MELK: variants seen among roughly 807,000 people sequenced by gnomAD.
MELK encodes the protein maternal embryonic leucine zipper kinase.
MELK carries 81 observed loss-of-function variants against 85.0 expected under a neutral mutation model. The observed-to-expected ratio is 0.95, with a 90% CI of 0.80 to 1.15. The LOEUF is 1.15. MELK is among the 50% of genes most tolerant of loss of function. The pLI is 0.00. For synonymous variants in MELK, 252 were observed against 265.0 expected, an observed-to-expected ratio of 0.95 and a Z score of 0.48; for missense variants, 754 against 777.5, an observed-to-expected ratio of 0.97 and a Z score of 0.36.
At chr9:36,585,521 G>C (rs572249170) in intron 3 of MELK, among the ~76,000 whole-genome samples, 3 of 151,996 alleles carry the variant, frequency 2.0e-5, no homozygotes, top group East Asian at 3.9e-4. Flanking sequence ...TGGTCAGGCT[G>C]GTCTCGAACT....
At chr9:36,581,377 C>T (rs142493594) in intron 1 of MELK, among the ~76,000 whole-genome samples, 73 of 151,740 alleles carry the variant, frequency 4.8e-4, no homozygotes, top group Middle Eastern at 6.8e-3. Context: ...ATTATTAGTA[C>T]TTTATTTAAG....
At chr9:36,659,735 T>G (rs1831605996) in intron 13 of MELK, among the ~76,000 whole-genome samples, 1 of 152,206 alleles carries the variant, frequency 6.6e-6, no homozygotes, top group South Asian at 2.1e-4. Context: ...TCATTTCCTA[T>G]TTGTATAAAA....
At chr9:36,590,395 T>C (rs1363967246) in intron 4 of MELK, among the ~76,000 whole-genome samples, 1 of 152,204 alleles carries the variant, frequency 6.6e-6, no homozygotes, top group Non-Finnish European at 1.5e-5. Context: ...GGAATCTGTT[T>C]CCTGCCTCTT....
intron 13 of MELK, among the ~76,000 whole-genome samples, chr9:36,664,102 T>C (rs1587612917): frequency 6.6e-6 from 1 of 152,326 alleles, no homozygotes; most frequent in East Asian, 1.9e-4. Flanking sequence ...TCTTTTATTC[T>C]GTTATTTGAC....
intron 10 of MELK, among the ~76,000 whole-genome samples, chr9:36,639,838 G>T (rs1290429974): frequency 6.6e-6 from 1 of 152,180 alleles, no homozygotes; most frequent in African/African-American, 2.4e-5. Flanking sequence ...GGAGAGAGGG[G>T]TTCTTTTACA....
At chr9:36,652,970 T>C (rs1340765995) in intron 12 of MELK, among the ~76,000 whole-genome samples, 1 of 152,142 alleles carries the variant, frequency 6.6e-6, no homozygotes, top group Non-Finnish European at 1.5e-5. Flanking sequence ...TATAATACTT[T>C]ATATGACATG....
intron 8 of MELK, among the ~76,000 whole-genome samples, chr9:36,615,172 G>A (rs1464307084): frequency 7.0e-6 from 1 of 143,414 alleles, no homozygotes; most frequent in South Asian, 2.3e-4. Flanking sequence ...TCACCTCCCG[G>A]ACGGGGCGGC....
Position 36,635,303 on chromosome 9 carries a change from G to A in MELK, c.834+2103G>A, listed in dbSNP as rs1008693856. 4.7e-5 allele frequency among the ~76,000 whole-genome samples: 7 copies of A among 149,944 alleles called. No homozygotes were observed. The East Asian group carries it at 1.4e-3, about 29-fold the overall frequency. ...TTTGAGTGGGAATCTCGCTATTATC[G>A]CCCAGACGGGAGTGCAATGGCACGA... On this transcript the variant is annotated intron_variant, in intron 10 of 17. Coordinates refer to ENST00000298048, the MANE Select transcript of MELK (RefSeq NM_014791.4).
intron 14 of MELK, among the ~76,000 whole-genome samples, chr9:36,668,941 A>T (rs930304588): frequency 6.6e-6 from 1 of 152,176 alleles, no homozygotes; most frequent in Non-Finnish European, 1.5e-5. Flanking sequence ...AAAAGCATAA[A>T]TTGGGCCCTT....
At chr9:36,603,024 G>A (rs773347673) in intron 7 of MELK, among the ~76,000 whole-genome samples, 1 of 152,188 alleles carries the variant, frequency 6.6e-6, no homozygotes, top group Non-Finnish European at 1.5e-5. Context: ...TAGTTTCCCA[G>A]AAGGAGTGAT....
intron 11 of MELK, 68 bp from the exon 12 acceptor site, chr9:36,651,678 A>G: frequency 6.5e-7 from 1 of 1,548,156 alleles, no homozygotes; most frequent in Non-Finnish European, 8.8e-7. Flanking sequence ...AAAAAAATTA[A>G]TTAAAGATAG....
intron 7 of MELK, among the ~76,000 whole-genome samples, chr9:36,601,481 CT>C (rs1157006313): frequency 6.6e-6 from 1 of 152,086 alleles, no homozygotes; most frequent in Non-Finnish European, 1.5e-5. Flanking sequence ...TTGTAGCCTT[CT>C]TAGTGCATTA....
At chr9:36,616,829 T>G (rs904008145) in intron 8 of MELK, among the ~76,000 whole-genome samples, 3 of 149,490 alleles carry the variant, frequency 2.0e-5, no homozygotes, top group South Asian at 2.1e-4. Context: ...CCCAGTTTTT[T>G]TTTTTTTTTT....
chr9:36,665,267 A>AT (rs1832226020), intron 13 of MELK, 83 bp from the exon 14 acceptor site: 1 of 738,652 alleles, frequency 1.4e-6, no homozygotes, highest in Admixed American at 2.6e-5. Context: ...AGTACAAGGT[A>AT]GTTTGCAAAT....
chr9:36,626,360 C>T (rs1248962945), intron 8 of MELK, among the ~76,000 whole-genome samples: 1 of 151,026 alleles, frequency 6.6e-6, no homozygotes, highest in Admixed American at 6.6e-5. Context: ...TAGCAGGATA[C>T]AAGATAAGGG....
intron 14 of MELK, among the ~76,000 whole-genome samples, chr9:36,666,788 A>C (rs953979714): frequency 2.0e-5 from 3 of 151,040 alleles, no homozygotes; most frequent in Non-Finnish European, 4.4e-5. Flanking sequence ...TTTCCATTTC[A>C]TCAACTCAAA....
At chr9:36,591,225 C>G (rs1036683968) in intron 4 of MELK, among the ~76,000 whole-genome samples, 5 of 152,080 alleles carry the variant, frequency 3.3e-5, no homozygotes, top group African/African-American at 1.2e-4. Flanking sequence ...ATTTTAAAAC[C>G]TCTTTGGTAA....
intron 12 of MELK, among the ~76,000 whole-genome samples, 165 bp downstream of exon 12, chr9:36,652,042 ATTTTTTTT>A (rs11465173): frequency 4.4e-5 from 4 of 91,392 alleles, no homozygotes; most frequent in Non-Finnish European, 6.1e-5. Context: ...TTGAACTCTA[ATTTTTTTT>A]TTTTTTTTTT....
intron 10 of MELK, among the ~76,000 whole-genome samples, chr9:36,637,859 C>T (rs1829362178): frequency 6.6e-6 from 1 of 152,234 alleles, no homozygotes; most frequent in Non-Finnish European, 1.5e-5. Context: ...CCTAAAACTT[C>T]TGTTATCTAA....
Sources: allele counts gnomAD v4.1 joint callset (sites outside exome capture counted in the v4.1 genomes callset), GRCh38; gene constraint gnomAD v4.1.1; transcripts MANE v1.5; gene names NCBI Gene and HGNC (gene_info 2026-07-23, HGNC 2026-07-21).